Variants in ATXN2 observed in about 807,000 individuals in gnomAD.
ATXN2 encodes ataxin-2.
ATXN2 carries 37 observed loss-of-function variants against 138.6 expected under a neutral mutation model. The observed-to-expected ratio is 0.27, with a 90% CI of 0.21 to 0.35. The LOEUF (loss-of-function observed/expected upper bound fraction) is 0.35, where lower values mean the gene tolerates loss of function less well. ATXN2 is among the 10% of genes least tolerant of loss of function. The pLI is 1.00. For missense variants in ATXN2, 1,216 were observed against 1,480.3 expected, an observed-to-expected ratio of 0.82 and a Z score of 2.93; for synonymous variants, 549 against 543.7, an observed-to-expected ratio of 1.01 and a Z score of -0.13.
intron 18 of ATXN2, 117 bp downstream of exon 18, chr12:111,485,148 T>G: frequency 1.1e-6 from 1 of 893,414 alleles, no homozygotes; most frequent in Non-Finnish European, 1.7e-6. Context: ...CAAAAGCCAA[T>G]GCATAGCCTC....
chr12:111,454,860 A>G, intron 23 of ATXN2: 1 of 549,238 alleles, frequency 1.8e-6, no homozygotes, highest in Non-Finnish European at 3.3e-6. Context: ...AGCCTCTGGT[A>G]GACACCTACA....
chr12:111,511,910 T>C (rs1351092176), intron 11 of ATXN2: 2 of 152,220 alleles, frequency 1.3e-5, no homozygotes, highest in Non-Finnish European at 2.9e-5. Flanking sequence ...GTATAGCAAC[T>C]AAAAACAGAT....
intron 1 of ATXN2, among the ~76,000 whole-genome samples, chr12:111,588,397 T>C (rs1007610194): frequency 1.4e-4 from 21 of 151,892 alleles, no homozygotes; most frequent in Non-Finnish European, 2.9e-4. Flanking sequence ...CCAAGGCAGG[T>C]GGATCACTTG....
Position 111,459,547 on chromosome 12 carries a change from TCTC to T in ATXN2, c.2897-2191_2897-2189del, listed in dbSNP as rs757001970. Reference sequence around the variant, plus strand: ...CCTCCGCCTCCCGGGTTCAAGCGATTCTCCTGCCTCAGCCTGCCGAGTAGCTGG... The same window carrying T: ...CCTCCGCCTCCCGGGTTCAAGCGATTCTGCCTCAGCCTGCCGAGTAGCTGG... On this transcript the variant is annotated intron_variant, in intron 21 of 24. Coordinates refer to ENST00000673436, the MANE Select transcript of ATXN2 (RefSeq NM_001372574.1). Among the ~76,000 whole-genome samples, 129 of 144,092 alleles carry T rather than the reference TCTC, an allele frequency of 9.0e-4. 1 individual carries two copies. The highest frequency in any genetic ancestry group is 9.9e-4 in the Non-Finnish European group (65 of 65,746). The allele number at this position is 144,092 out of a possible 152,430, so 94.5% of individuals were successfully genotyped here. A position where few individuals can be genotyped will look rare whatever the true frequency, so the allele number is the denominator to read the frequency against.
rs1875179731 is a variant in ATXN2 at position 111,457,263 on chromosome 12, T to C, written c.2993A>G (p.Gln998Arg). 6.2e-7 allele frequency: 1 copy of C among 1,614,156 alleles called. No individual in the cohort carries two copies. The highest frequency in any genetic ancestry group is 8.5e-7 in the Non-Finnish European group (1 of 1,179,996). Reference sequence around the variant, plus strand: ...ACTTCCACCATGTTGGCTTTGCTGCTGTCCAGTGGGGGTAGCTGAAGGCTG... The same window carrying C: ...ACTTCCACCATGTTGGCTTTGCTGCCGTCCAGTGGGGGTAGCTGAAGGCTG... The part of the protein sequence containing the change: ...HPQPSATPTG[Q>R]QQSQHGGSHP... The change falls in exon 22 of 25, where the codon CAG (glutamine) becomes CGG (arginine). Residue 998 changes from glutamine to arginine, a missense_variant. Transcript: ENST00000673436.
chr12:111,554,858 G>C (rs923010630), intron 2 of ATXN2, among the ~76,000 whole-genome samples: 25 of 152,156 alleles, frequency 1.6e-4, no homozygotes, highest in African/African-American at 6.0e-4. Context: ...TAGGAAGCCA[G>C]GTCATACCTT....
chr12:111,577,883 G>A (rs1449328544), intron 1 of ATXN2, among the ~76,000 whole-genome samples: 1 of 151,930 alleles, frequency 6.6e-6, no homozygotes, highest in East Asian at 1.9e-4. Flanking sequence ...GGAGTTCAAC[G>A]CCCTGGGCAA....
At chr12:111,513,564 C>A in intron 10 of ATXN2, 25 bp from the exon 11 acceptor site, 1 of 1,594,070 alleles carries the variant, frequency 6.3e-7, no homozygotes, top group Non-Finnish European at 8.5e-7. Context: ...GTGAACATCA[C>A]ATAAATTCCA....
At chr12:111,489,413 G>C (rs930397046) in intron 14 of ATXN2, among the ~76,000 whole-genome samples, 17 of 151,974 alleles carry the variant, frequency 1.1e-4, no homozygotes, top group Non-Finnish European at 2.2e-4. Context: ...AGGAGATCGA[G>C]ACCATCTTGG....
intron 1 of ATXN2, among the ~76,000 whole-genome samples, chr12:111,558,050 A>C (rs1184211339): frequency 6.6e-6 from 1 of 152,210 alleles, no homozygotes; most frequent in Admixed American, 6.5e-5. Flanking sequence ...GACTAATAAA[A>C]AGTAATTGTT....
intron 18 of ATXN2, among the ~76,000 whole-genome samples, chr12:111,479,665 T>C (rs1337566389): frequency 3.9e-5 from 6 of 152,164 alleles, no homozygotes; most frequent in Non-Finnish European, 5.9e-5. Flanking sequence ...CGGCTTTGAA[T>C]GTGGCCCAAC....
In ATXN2 at chr12:111,518,351, G is replaced by A. The variant is rs571714282; in HGVS notation, c.1063C>T (p.Arg355Cys). Residue 355 changes from arginine (R) to cysteine (C), a missense_variant, in exon 9 of 25, where the codon CGT becomes TGT. Arg to Cys is a radical substitution (Grantham distance 180). This residue lies in a region of ATXN2 where 401 missense variants were observed against 528.1 expected (regional missense o/e 0.76). Coordinates refer to ENST00000673436, the MANE Select transcript of ATXN2 (RefSeq NM_001372574.1). Reference protein sequence around the residue: ...SWGSGRQNSPRMGQPGSGSMP... With the variant: ...SWGSGRQNSPCMGQPGSGSMP... ...GAGCCCGATCCAGGCTGGCCCATAC[G>A]CGGTGAATTCTGTCTCCCACTTCCC... 5.6e-6 allele frequency: 9 copies of A among 1,613,436 alleles called. No individual in the cohort carries two copies. The highest frequency in any genetic ancestry group is 1.1e-5 in the South Asian group (1 of 90,986).
chr12:111,598,983 G>C lies in ATXN2; in HGVS notation c.52C>G (p.Gln18Glu). The change falls in exon 1 of 25, where the codon CAG (glutamine) becomes GAG (glutamate). Residue 18 changes from glutamine to glutamate, a missense_variant. Gln to Glu is a conservative substitution (Grantham distance 29). Transcript: ENST00000673436. This position sits in a 1 kb window ranked among gnomAD's most constrained non-coding sequence, Gnocchi z 4.5. ...QQQQQQQQQQ[Q>E]QQQQQQQQQQ... is the part of the protein sequence containing the mutation. ...TGCTGCTGCTGCTGCTGCTGTTGCT[G>C]CTGCTGCTGCTGCTGCTGCTGCTGC... 1.4e-6 allele frequency: 2 copies of C among 1,449,586 alleles called. No homozygotes were observed. The highest frequency in any genetic ancestry group is 1.8e-6 in the Non-Finnish European group (2 of 1,097,208). 89.8% of individuals were successfully genotyped at this position (1,449,586 alleles called of 1,614,324 possible).
At chr12:111,480,607 G>T (rs1039191107) in intron 18 of ATXN2, among the ~76,000 whole-genome samples, 1 of 152,132 alleles carries the variant, frequency 6.6e-6, no homozygotes, top group African/African-American at 2.4e-5. Flanking sequence ...TCTGAGAGGC[G>T]GAGGTTGCAG....
intron 18 of ATXN2, among the ~76,000 whole-genome samples, chr12:111,484,591 C>T (rs1877508327): frequency 6.6e-6 from 1 of 152,120 alleles, no homozygotes; most frequent in Non-Finnish European, 1.5e-5. Context: ...CAGGTGCCAC[C>T]ATGTCCGGCT....
intron 5 of ATXN2, among the ~76,000 whole-genome samples, chr12:111,548,778 G>A (rs1000582641): frequency 3.3e-5 from 5 of 152,182 alleles, no homozygotes; most frequent in African/African-American, 1.2e-4. Flanking sequence ...CCAGGCTGGA[G>A]TGCAGTGGCA....
At chr12:111,518,576 C>T (rs927398104) in intron 8 of ATXN2, 149 bp from the exon 9 acceptor site, 46 of 771,404 alleles carry the variant, frequency 6.0e-5, no homozygotes, top group Non-Finnish European at 6.3e-5. Flanking sequence ...TGCCCCTGTT[C>T]TTCCATCTTA....
intron 18 of ATXN2, among the ~76,000 whole-genome samples, chr12:111,480,855 T>C (rs1877178603): frequency 6.6e-6 from 1 of 152,194 alleles, no homozygotes; most frequent in African/African-American, 2.4e-5. Context: ...AGGAGTTTTA[T>C]AGGCGTTTCA....
At chr12:111,479,716 AT>A (rs200388976) in intron 18 of ATXN2, among the ~76,000 whole-genome samples, 5 of 150,896 alleles carry the variant, frequency 3.3e-5, no homozygotes, top group African/African-American at 9.7e-5. Context: ...AAGTTTTGCT[AT>A]TTTTTTTTGT....
Sources: allele counts gnomAD v4.1 joint callset (sites outside exome capture counted in the v4.1 genomes callset), GRCh38; gene constraint gnomAD v4.1.1; regional missense constraint gnomAD v4.1.1; non-coding constraint Gnocchi (gnomAD v3.1); transcripts MANE v1.5; gene names NCBI Gene and HGNC (gene_info 2026-07-23, HGNC 2026-07-21).